Variants in TSC22D1 observed in about 807,000 individuals in gnomAD.
The protein encoded by TSC22D1 is TSC22 domain family protein 1.
Under a neutral mutation model 74.2 loss-of-function variants are expected in TSC22D1, and 9 were observed. That is an observed-to-expected ratio of 0.12 (90% confidence interval 0.07 to 0.21). TSC22D1 has a LOEUF of 0.21. TSC22D1 is among the 10% of genes least tolerant of loss of function. The pLI is 1.00. For synonymous variants in TSC22D1, 586 were observed against 492.5 expected, an observed-to-expected ratio of 1.19 and a Z score of -2.51; for missense variants, 1,427 against 1,304.7, an observed-to-expected ratio of 1.09 and a Z score of -1.44.
At chr13:44,473,517 TAAATAA>T (rs1307258129) in intron 1 of TSC22D1, among the ~76,000 whole-genome samples, 2 of 151,932 alleles carry the variant, frequency 1.3e-5, no homozygotes, top group Non-Finnish European at 1.5e-5. Flanking sequence ...AATAAATAAA[TAAATAA>T]AAATAAAACT....
At chr13:44,526,417 T>C (rs1880549846) in intron 1 of TSC22D1, among the ~76,000 whole-genome samples, 1 of 150,906 alleles carries the variant, frequency 6.6e-6, no homozygotes, top group Admixed American at 6.6e-5. Context: ...CATCTGCACA[T>C]GGCCTAAGAA....
At position 44,566,927 on chromosome 13, in the gene TSC22D1, G is replaced by C. The variant is rs146650107; in HGVS notation, c.2912+6236C>G. On this transcript the variant is annotated intron_variant, in intron 1 of 2. Coordinates refer to ENST00000458659, the MANE Select transcript of TSC22D1 (RefSeq NM_183422.4). ...TACCACATCTATATAAGTGGGATGT[G>C]GGGGGAGAAGGTGCTAAAATTAAAA... 4.1e-4 allele frequency among the ~76,000 whole-genome samples: 62 copies of C among 152,238 alleles called. 1 individual carries two copies. In the East Asian group the frequency reaches 8.5e-3, roughly 21 times the overall value.
At position 44,496,480 on chromosome 13, in the gene TSC22D1, C is replaced by T. The variant is rs573423861; in HGVS notation, c.2913-60385G>A. ...GGTGGATCACCTGAGGGCAGGAGTT[C>T]GAGACCAGCCTGGCCAACATTGCGA... On this transcript the variant is annotated intron_variant, in intron 1 of 2. Coordinates refer to ENST00000458659, the MANE Select transcript of TSC22D1 (RefSeq NM_183422.4). Among the ~76,000 whole-genome samples, 283 of 152,068 alleles carry T rather than the reference C, an allele frequency of 1.9e-3. 1 individual carries two copies. Among genetic ancestry groups the T allele is most frequent in the Admixed American group, 4.4e-3 (67 of 15,262 alleles).
intron 1 of TSC22D1, among the ~76,000 whole-genome samples, chr13:44,555,116 A>AT (rs1404607506): frequency 2.7e-5 from 4 of 150,358 alleles, no homozygotes; most frequent in African/African-American, 9.9e-5. Flanking sequence ...AGACCTCTAA[A>AT]TTAAAAAAAA....
At chr13:44,553,014 G>A (rs577605796) in intron 1 of TSC22D1, among the ~76,000 whole-genome samples, 14 of 151,672 alleles carry the variant, frequency 9.2e-5, no homozygotes, top group South Asian at 6.3e-4. Context: ...CAAACAAAAC[G>A]AAAATAAGGT....
At chr13:44,530,260 A>G (rs1366705071) in intron 1 of TSC22D1, among the ~76,000 whole-genome samples, 2 of 152,178 alleles carry the variant, frequency 1.3e-5, no homozygotes, top group African/African-American at 4.8e-5. Flanking sequence ...TATAGTCAAC[A>G]GACCTTTGAA....
At chr13:44,530,214 G>C (rs1880756542) in intron 1 of TSC22D1, among the ~76,000 whole-genome samples, 1 of 152,130 alleles carries the variant, frequency 6.6e-6, no homozygotes, top group Non-Finnish European at 1.5e-5. Flanking sequence ...GAAAAGATCA[G>C]TGGAATGGAA....
At chr13:44,459,128 C>A (rs1876849581) in intron 1 of TSC22D1, among the ~76,000 whole-genome samples, 1 of 152,148 alleles carries the variant, frequency 6.6e-6, no homozygotes, top group Non-Finnish European at 1.5e-5. Context: ...GTCCATGGAC[C>A]AATCAGCACA....
Position 44,552,813 on chromosome 13 carries a change from C to G in TSC22D1, c.2912+20350G>C, listed in dbSNP as rs979795645. Among the ~76,000 whole-genome samples, 5 of 152,026 alleles carry G rather than the reference C, an allele frequency of 3.3e-5. No homozygotes were observed. The East Asian group carries it at 9.6e-4, about 29-fold the overall frequency. On this transcript the variant is annotated intron_variant, in intron 1 of 2. Coordinates refer to ENST00000458659, the MANE Select transcript of TSC22D1 (RefSeq NM_183422.4). The stretch of plus-strand genomic sequence containing the variant: ...ACCATCCTGGCTAACATGGTGAAAC[C>G]CTGTCTCTACTAAAAATGCAAAAAA...
intron 1 of TSC22D1, chr13:44,452,772 AAG>A (rs1288892500): frequency 6.6e-6 from 1 of 152,460 alleles, no homozygotes. Context: ...TACGTGGAGT[AAG>A]AACAGAATAA....
chr13:44,490,770 G>T (rs1384771325), intron 1 of TSC22D1, among the ~76,000 whole-genome samples: 1 of 151,828 alleles, frequency 6.6e-6, no homozygotes, highest in Non-Finnish European at 1.5e-5. Flanking sequence ...GGTGGTGCAT[G>T]CCTGTAATCC....
intron 1 of TSC22D1, among the ~76,000 whole-genome samples, chr13:44,518,013 C>T (rs1162001368): frequency 2.0e-5 from 3 of 147,982 alleles, no homozygotes; most frequent in Admixed American, 1.4e-4. Flanking sequence ...TGCACCACCA[C>T]GCCCAGCTAA....
rs1287749500 is a variant in TSC22D1, at chr13:44,574,705, T to G, written c.1370A>C (p.Glu457Ala). 1 of 1,614,140 alleles carries G rather than the reference T, an allele frequency of 6.2e-7. No individual in the cohort carries two copies. Among genetic ancestry groups the G allele is most frequent in the Non-Finnish European group, 8.5e-7 (1 of 1,180,046 alleles). The part of the protein sequence containing the change: ...VVETVKQNPI[E>A]VTSERESTSG... ...AGTGCTCTCCCTTTCAGAAGTCACT[T>G]CTATCGGATTTTGCTTTACAGTCTC... The change falls in exon 1 of 3, where the codon GAA becomes GCA. Residue 457 changes from glutamate (E) to alanine (A), a missense_variant. This residue lies in a region of TSC22D1 where 1,343 missense variants were observed against 1,191.5 expected (regional missense o/e 1.13). Coordinates refer to ENST00000458659, the MANE Select transcript of TSC22D1 (RefSeq NM_183422.4).
intron 1 of TSC22D1, among the ~76,000 whole-genome samples, chr13:44,439,061 A>G (rs991862497): frequency 6.6e-6 from 1 of 152,256 alleles, no homozygotes; most frequent in Admixed American, 6.5e-5. Context: ...TCTTCAACAT[A>G]AACAGAAAGC....
Position 44,575,544 on chromosome 13 carries a change from T to C in TSC22D1, c.531A>G (p.Leu177=), listed in dbSNP as rs1307166004. The C allele has an allele frequency of 6.2e-7, 1 of 1,614,104 alleles. No homozygotes were observed. The highest frequency in any genetic ancestry group is 1.1e-5 in the South Asian group (1 of 91,078). Residue 177 remains leucine (L), a synonymous_variant, in exon 1 of 3, where the codon CTA becomes CTG. Transcript: ENST00000458659. ...EPERSSSEET[L]NNFQEAETPG... is the part of the protein sequence containing the mutation. ...GTGTCTCGGCTTCCTGGAAGTTATTTAGGGTCTCTTCTGAGGAGCTGCGTT... is the reference window on the plus strand; with the variant it reads ...GTGTCTCGGCTTCCTGGAAGTTATTCAGGGTCTCTTCTGAGGAGCTGCGTT...
At chr13:44,444,012 C>A (rs1203845870) in intron 1 of TSC22D1, among the ~76,000 whole-genome samples, 1 of 151,888 alleles carries the variant, frequency 6.6e-6, no homozygotes, top group Non-Finnish European at 1.5e-5. Context: ...TTAGGCTGGG[C>A]GTGGTGGCTC....
chr13:44,573,199 G>A lies in TSC22D1; in HGVS notation c.2876C>T (p.Pro959Leu), dbSNP rs1333177125. The A allele has an allele frequency of 2.5e-6, 4 of 1,614,122 alleles. No individual in the cohort carries two copies. The highest frequency in any genetic ancestry group is 3.4e-6 in the Non-Finnish European group (4 of 1,180,032). The change falls in exon 1 of 3, where the codon CCG becomes CTG. Residue 959 changes from proline (P) to leucine (L), a missense_variant. Physicochemically the swap from Pro to Leu is moderately conservative, Grantham distance 98. Around this residue, in one of 3 missense-constraint regions of TSC22D1, gnomAD observed 1,343 missense variants for 1,191.5 expected, o/e 1.13. Transcript: ENST00000458659. The stretch of plus-strand genomic sequence containing the variant: ...GCCATCCACCAGGGGTGTCGTCAGC[G>A]GTAGCACCTTCAACGGGAAAAGAGA... ...SASLFPLKVL[P>L]LTTPLVDGED...
chr13:44,494,444 GAT>G (rs1421930093), intron 1 of TSC22D1, among the ~76,000 whole-genome samples: 3 of 129,298 alleles, frequency 2.3e-5, no homozygotes, highest in East Asian at 2.5e-4. Flanking sequence ...TGTGGTCCCA[GAT>G]ACTTAAGAGG....
intron 1 of TSC22D1, among the ~76,000 whole-genome samples, chr13:44,467,379 A>G (rs913318843): frequency 6.6e-6 from 1 of 152,168 alleles, no homozygotes; most frequent in Non-Finnish European, 1.5e-5. Context: ...CAAGTGTAAC[A>G]AAAACAAAAA....
Sources: gnomAD v4.1 joint callset for allele counts (sites outside exome capture counted in the v4.1 genomes callset) on GRCh38, gnomAD v4.1.1 for gene constraint, gnomAD v4.1.1 regional missense constraint, MANE v1.5 for transcripts, NCBI Gene and HGNC (gene_info 2026-07-23, HGNC 2026-07-21) for gene names.